Variants in PSMC5 observed in about 807,000 individuals in gnomAD.
PSMC5 encodes proteasome 26S subunit, ATPase 5.
In PSMC5, 11 loss-of-function variants were observed where a neutral mutation model predicts 49.1. The ratio of observed to expected loss-of-function variants is 0.22; its 90% CI spans 0.14 to 0.37. The LOEUF is 0.37. Ranked by LOEUF, PSMC5 falls within the 10% of genes least tolerant of loss-of-function variation. The pLI is 1.00. For synonymous variants in PSMC5, 206 were observed against 192.2 expected, an observed-to-expected ratio of 1.07 and a Z score of -0.59; for missense variants, 229 against 520.9, an observed-to-expected ratio of 0.44 and a Z score of 5.45.
In PSMC5 at chr17:63,831,199, C is replaced by T. The variant is rs760342878; in HGVS notation, c.843C>T (p.Asp281=). ...RTMLELLNQL[D]GFEATKNIKV... ...TGCTGGAGTTGCTCAACCAGCTCGA[C>T]GGCTTTGAGGCCACCAAGAACATCA... The change falls in exon 8 of 12, where the codon GAC becomes GAT. Residue 281 remains aspartate, a synonymous_variant. Transcript: ENST00000310144. The surrounding 1 kb of genome is among the most constrained non-coding windows in gnomAD (Gnocchi z 6.3). 2.2e-5 allele frequency: 35 copies of T among 1,562,814 alleles called. No homozygotes were observed. The Admixed American group carries it at 3.6e-4, about 16-fold the overall frequency.
chr17:63,827,852 G>A (rs1287155967), intron 1 of PSMC5: 8 of 1,430,316 alleles, frequency 5.6e-6, no homozygotes, highest in Non-Finnish European at 7.3e-6. Context: ...GGCTTGTAGA[G>A]CACTTCACGC....
At position 63,830,885 on chromosome 17, in the gene PSMC5, C is replaced by T; in HGVS notation, c.629C>T (p.Thr210Ile). ...GCTGTGGCTCATCATACGGACTGTA[C>T]CTTTATTCGTGTCTCTGGCTCTGAA... ...ARAVAHHTDC[T>I]FIRVSGSELV... The change falls in exon 7 of 12, where the codon ACC (threonine) becomes ATC (isoleucine). Residue 210 changes from threonine (T) to isoleucine (I), a missense_variant. Around this residue, in one of 4 missense-constraint regions of PSMC5, gnomAD observed 121 missense variants for 330.6 expected, o/e 0.37. Transcript: ENST00000310144. This position sits in a 1 kb window ranked among gnomAD's most constrained non-coding sequence, Gnocchi z 4.0. The T allele has an allele frequency of 6.2e-7, 1 of 1,613,910 alleles. No homozygotes were observed. Among genetic ancestry groups the T allele is most frequent in the East Asian group, 2.2e-5 (1 of 44,866 alleles).
chr17:63,830,247 C>G lies in PSMC5; in HGVS notation c.322-24C>G. Reference sequence around the variant, plus strand: ...GGGGTCAGCTCTTACTGTACCACTTCTGAAACTCGCCCCCTTCACCCAGGT... The same window carrying G: ...GGGGTCAGCTCTTACTGTACCACTTGTGAAACTCGCCCCCTTCACCCAGGT... On this transcript the variant is annotated intron_variant, in intron 5 of 11. Transcript: ENST00000310144. The surrounding 1 kb of genome is among the most constrained non-coding windows in gnomAD (Gnocchi z 4.0). 1 of 1,614,016 alleles carries G rather than the reference C, an allele frequency of 6.2e-7. No homozygotes were observed. The highest frequency in any genetic ancestry group is 8.5e-7 in the Non-Finnish European group (1 of 1,179,958).
chr17:63,829,279 G>C, intron 2 of PSMC5: 1 of 546,384 alleles, frequency 1.8e-6, no homozygotes, highest in Non-Finnish European at 3.3e-6. Context: ...ACCAGTATTG[G>C]ACAAGCAGCC....
Position 63,831,215 on chromosome 17 carries a change from A to G in PSMC5, c.859A>G (p.Lys287Glu). The G allele has an allele frequency of 6.4e-7, 1 of 1,573,748 alleles. No individual in the cohort carries two copies. The highest frequency in any genetic ancestry group is 8.6e-7 in the Non-Finnish European group (1 of 1,158,074). Residue 287 changes from lysine (K) to glutamate (E), a missense_variant, in exon 8 of 12, where the codon AAG becomes GAG. This residue lies in a region of PSMC5 where 121 missense variants were observed against 330.6 expected (regional missense o/e 0.37). Coordinates refer to ENST00000310144, the MANE Select transcript of PSMC5 (RefSeq NM_002805.6). This position sits in a 1 kb window ranked among gnomAD's most constrained non-coding sequence, Gnocchi z 6.3. ...CCAGCTCGACGGCTTTGAGGCCACC[A>G]AGAACATCAAGGTAAGGTGGTAGCA... ...LNQLDGFEATKNIKVIMATNR... is the reference protein window; with the variant it reads ...LNQLDGFEATENIKVIMATNR...
chr17:63,827,879 C>A (rs1460783485), intron 1 of PSMC5: 1 of 1,426,110 alleles, frequency 7.0e-7, no homozygotes, highest in South Asian at 1.5e-5. Flanking sequence ...AAGCGCCCCC[C>A]GTCTATATCA....
chr17:63,830,516 T>G lies in PSMC5; in HGVS notation c.552+15T>G, dbSNP rs539151788. ...CTCAGCCCAAGGTGAGGAGCAGGGC[T>G]TCTCTGAGAGGGCCAAGCTGTACTT... On this transcript the variant is annotated intron_variant, in intron 6 of 11. Transcript: ENST00000310144. The surrounding 1 kb of genome is among the most constrained non-coding windows in gnomAD (Gnocchi z 4.0). The G allele has an allele frequency of 2.5e-6, 4 of 1,613,070 alleles. No individual in the cohort carries two copies. The highest frequency in any genetic ancestry group is 3.4e-6 in the Non-Finnish European group (4 of 1,179,862).
Position 63,829,906 on chromosome 17 carries a change from G to C in PSMC5, c.221G>C (p.Gly74Ala). ...CTGCAGGAGCAGGGCTCCTATGTGG[G>C]GGAAGTAGTCCGGGCCATGGATAAG... ...QLLQEQGSYV[G>A]EVVRAMDKKK... is the part of the protein sequence containing the mutation. Residue 74 changes from glycine to alanine, a missense_variant, in exon 4 of 12, where the codon GGG (glycine) becomes GCG (alanine). Gly to Ala is a moderately conservative substitution (Grantham distance 60). Around this residue, in one of 4 missense-constraint regions of PSMC5, gnomAD observed 98 missense variants for 144.0 expected, o/e 0.68. Coordinates refer to ENST00000310144, the MANE Select transcript of PSMC5 (RefSeq NM_002805.6). 1.2e-6 allele frequency: 2 copies of C among 1,613,664 alleles called. No individual in the cohort carries two copies. Among genetic ancestry groups the C allele is most frequent in the Non-Finnish European group, 1.7e-6 (2 of 1,179,830 alleles).
chr17:63,830,029 G>C lies in PSMC5; in HGVS notation c.264+80G>C. On this transcript the variant is annotated intron_variant, in intron 4 of 11. Coordinates refer to ENST00000310144, the MANE Select transcript of PSMC5 (RefSeq NM_002805.6). This position sits in a 1 kb window ranked among gnomAD's most constrained non-coding sequence, Gnocchi z 4.0. ...TTTGTGTGTAGCCTCGGGAGACAGG[G>C]TTCTGTGTTCTGTCAAGGTATTGTG... 6.4e-7 allele frequency: 1 copy of C among 1,561,116 alleles called. No individual in the cohort carries two copies. The highest frequency in any genetic ancestry group is 8.7e-7 in the Non-Finnish European group (1 of 1,147,034).
rs1219890728 is a variant in PSMC5 at position 63,831,016 on chromosome 17, CCAGCT to C, written c.680-18_680-14del. The C allele has an allele frequency of 6.3e-7, 1 of 1,592,262 alleles. No homozygotes were observed. The highest frequency in any genetic ancestry group is 1.3e-5 in the African/African-American group (1 of 74,492). On this transcript the variant is annotated splice_polypyrimidine_tract_variant and intron_variant, in intron 7 of 11. Transcript: ENST00000310144. The surrounding 1 kb of genome is among the most constrained non-coding windows in gnomAD (Gnocchi z 6.3). The stretch of plus-strand genomic sequence containing the variant: ...TAATAAGCTAATAAGCTCCCTAACA[CCAGCT>C]CGGCCTCCACACAGGGGCAAGAATG...
chr17:63,830,967 G>A lies in PSMC5; in HGVS notation c.679+32G>A. The A allele has an allele frequency of 1.9e-6, 3 of 1,613,714 alleles. No homozygotes were observed. Among genetic ancestry groups the A allele is most frequent in the Non-Finnish European group, 2.5e-6 (3 of 1,179,752 alleles). ...ATGGCTAGCAATGTGAGAAGCAAGAGGTAGGGGTAGGGGGTTAGAGAGCTA... is the reference window on the plus strand; with the variant it reads ...ATGGCTAGCAATGTGAGAAGCAAGAAGTAGGGGTAGGGGGTTAGAGAGCTA... On this transcript the variant is annotated intron_variant, in intron 7 of 11. Transcript: ENST00000310144. The surrounding 1 kb of genome is among the most constrained non-coding windows in gnomAD (Gnocchi z 4.0).
chr17:63,827,998 CAGATCCTG>C (rs1367183567), intron 1 of PSMC5, 132 bp from the exon 2 acceptor site: 6 of 1,298,682 alleles, frequency 4.6e-6, no homozygotes, highest in Non-Finnish European at 6.4e-6. Context: ...GATTAGAACC[CAGATCCTG>C]AGCCTCCGAA....
chr17:63,829,754 C>T (rs772430048), intron 3 of PSMC5, 98 bp from the exon 4 acceptor site: 3 of 1,388,886 alleles, frequency 2.2e-6, no homozygotes, highest in Middle Eastern at 1.8e-4. Context: ...CTTTGGCCTT[C>T]CTTTAATAAG....
Position 63,831,416 on chromosome 17 carries a change from C to A in PSMC5, c.960C>A (p.Pro320=). The change falls in exon 9 of 12, where the codon CCC becomes CCA. Residue 320 remains proline (P), a synonymous_variant. Coordinates refer to ENST00000310144, the MANE Select transcript of PSMC5 (RefSeq NM_002805.6). The surrounding 1 kb of genome is among the most constrained non-coding windows in gnomAD (Gnocchi z 6.3). ...ACAGAAAAATTGAATTCCCACCCCC[C>A]AATGAGGAGGTTTGTGATGGACACT... ...RIDRKIEFPP[P]NEEARLDILK... 1.2e-6 allele frequency: 2 copies of A among 1,613,904 alleles called. No individual in the cohort carries two copies. Among genetic ancestry groups the A allele is most frequent in the South Asian group, 1.1e-5 (1 of 91,078 alleles).
At chr17:63,827,729 A>G (rs1598352759) in intron 1 of PSMC5, 1 of 1,434,512 alleles carries the variant, frequency 7.0e-7, no homozygotes, top group Non-Finnish European at 9.1e-7. Context: ...GTAGAAGCGG[A>G]GTGAGTGAGG....
rs1050740 is a variant in PSMC5 at position 63,831,356 on chromosome 17, C to T, written c.900C>T (p.Ile300=). Residue 300 remains isoleucine (I), a synonymous_variant, in exon 9 of 12, where the codon ATC becomes ATT. Coordinates refer to ENST00000310144, the MANE Select transcript of PSMC5 (RefSeq NM_002805.6). The surrounding 1 kb of genome is among the most constrained non-coding windows in gnomAD (Gnocchi z 6.3). ...TCATGGCTACTAATAGGATTGATATCCTGGACTCGGCACTGCTTCGCCCAG... is the reference window on the plus strand; with the variant it reads ...TCATGGCTACTAATAGGATTGATATTCTGGACTCGGCACTGCTTCGCCCAG... ...KVIMATNRID[I]LDSALLRPGR... The T allele has an allele frequency of 1.7e-5, 28 of 1,614,038 alleles. No individual in the cohort carries two copies. Among genetic ancestry groups the T allele is most frequent in the Non-Finnish European group, 2.2e-5 (26 of 1,180,024 alleles).
At position 63,831,726 on chromosome 17, in the gene PSMC5, C is replaced by T. The variant is rs756931295; in HGVS notation, c.1083C>T (p.Gly361=). Residue 361 remains glycine, a splice_region_variant and synonymous_variant, in exon 11 of 12, where the codon GGC becomes GGT. Coordinates refer to ENST00000310144, the MANE Select transcript of PSMC5 (RefSeq NM_002805.6). This position sits in a 1 kb window ranked among gnomAD's most constrained non-coding sequence, Gnocchi z 6.3. ...MPGASGAEVK[G]VCTEAGMYAL... ...CTCAATTTCCTTTTCCTGTTCAGGGCGTGTGCACAGAAGCTGGCATGTATG... is the reference window on the plus strand; with the variant it reads ...CTCAATTTCCTTTTCCTGTTCAGGGTGTGTGCACAGAAGCTGGCATGTATG... 25 of 1,613,980 alleles carry T rather than the reference C, an allele frequency of 1.5e-5. No homozygotes were observed. The highest frequency in any genetic ancestry group is 6.7e-5 in the African/African-American group (5 of 74,890).
In PSMC5 at chr17:63,830,533, G is replaced by T; in HGVS notation, c.552+32G>T. 1 of 1,609,866 alleles carries T rather than the reference G, an allele frequency of 6.2e-7. No individual in the cohort carries two copies. ...AGCAGGGCTTCTCTGAGAGGGCCAAGCTGTACTTACTCCTCCTGCCCCAGC... is the reference window on the plus strand; with the variant it reads ...AGCAGGGCTTCTCTGAGAGGGCCAATCTGTACTTACTCCTCCTGCCCCAGC... On this transcript the variant is annotated intron_variant, in intron 6 of 11. Coordinates refer to ENST00000310144, the MANE Select transcript of PSMC5 (RefSeq NM_002805.6). This position sits in a 1 kb window ranked among gnomAD's most constrained non-coding sequence, Gnocchi z 4.0.
intron 2 of PSMC5, chr17:63,828,856 A>C (rs2040146177): frequency 6.5e-6 from 1 of 153,880 alleles, no homozygotes; most frequent in African/African-American, 2.4e-5. Flanking sequence ...AACTTTGGAC[A>C]GGTCCATGGA....
Sources: gnomAD v4.1 joint callset for allele counts on GRCh38, gnomAD v4.1.1 for gene constraint, gnomAD v4.1.1 regional missense constraint, Gnocchi (gnomAD v3.1) non-coding constraint, MANE v1.5 for transcripts, NCBI Gene and HGNC (gene_info 2026-07-23, HGNC 2026-07-21) for gene names.